The following PDSS2 variants were observed in gnomAD, a reference collection of about 807,000 sequenced individuals.
The protein encoded by PDSS2 is decaprenyl diphosphate synthase subunit 2, also known as all trans-polyprenyl-diphosphate synthase PDSS2.
Under a neutral mutation model 44.5 loss-of-function variants are expected in PDSS2, and 31 were observed. That is an observed-to-expected ratio of 0.70 (90% CI 0.52 to 0.94). The LOEUF (loss-of-function observed/expected upper bound fraction) is 0.94. Among genes scored for constraint, PDSS2 ranks in the 40% least tolerant of loss-of-function variants. PDSS2 has a pLI of 0.00. For synonymous variants in PDSS2, 157 were observed against 180.3 expected (o/e 0.87, Z 1.03); for missense variants, 452 against 482.2 (o/e 0.94, Z 0.59).
chr6:107,213,348 C>T (rs1475856102), intron 4 of PDSS2, among the ~76,000 whole-genome samples: 3 of 151,536 alleles, frequency 2.0e-5, no homozygotes, highest in Non-Finnish European at 4.4e-5. Flanking sequence ...TGGGGTTTCA[C>T]CATGTTGGTC....
intron 1 of PDSS2, among the ~76,000 whole-genome samples, chr6:107,369,264 A>G (rs867102448): frequency 1.3e-5 from 2 of 152,094 alleles, no homozygotes; most frequent in Non-Finnish European, 2.9e-5. Context: ...CTAAAAATAC[A>G]AAAATTAGCC....
chr6:107,359,608 A>G (rs1299921047), intron 1 of PDSS2, among the ~76,000 whole-genome samples: 1 of 148,926 alleles, frequency 6.7e-6, no homozygotes, highest in Non-Finnish European at 1.5e-5. Flanking sequence ...TGGGTGACAG[A>G]GCAAAAGAAT....
chr6:107,192,361 C>T, intron 7 of PDSS2: 1 of 512,378 alleles, frequency 2.0e-6, no homozygotes, highest in South Asian at 1.4e-5. Flanking sequence ...CCAAAAGCTG[C>T]AGAGTCTGAG....
intron 2 of PDSS2, among the ~76,000 whole-genome samples, chr6:107,324,166 A>T (rs934365922): frequency 1.3e-5 from 2 of 152,190 alleles, no homozygotes; most frequent in Non-Finnish European, 2.9e-5. Context: ...TGAAGAAAAT[A>T]AGTACTGGTT....
chr6:107,218,208 CATTTT>C (rs1773480513), intron 4 of PDSS2, among the ~76,000 whole-genome samples: 1 of 152,190 alleles, frequency 6.6e-6, no homozygotes, highest in African/African-American at 2.4e-5. Flanking sequence ...GCTCTCTATA[CATTTT>C]ATTTGACTTT....
chr6:107,328,997 C>T (rs1445015059), intron 2 of PDSS2, among the ~76,000 whole-genome samples: 7 of 152,152 alleles, frequency 4.6e-5, no homozygotes, highest in Admixed American at 2.6e-4. Flanking sequence ...CAGCTCCAAC[C>T]CCTCTCCATG....
chr6:107,282,556 C>T (rs1775997117), intron 2 of PDSS2, among the ~76,000 whole-genome samples: 1 of 151,826 alleles, frequency 6.6e-6, no homozygotes, highest in African/African-American at 2.4e-5. Context: ...CCATACCTGG[C>T]TGCTTTTTTT....
At chr6:107,420,368 T>G (rs1780786111) in intron 1 of PDSS2, among the ~76,000 whole-genome samples, 1 of 152,194 alleles carries the variant, frequency 6.6e-6, no homozygotes, top group Non-Finnish European at 1.5e-5. Flanking sequence ...ACAGACAAGC[T>G]TATTCTAAAA....
rs1028832511 is a variant in PDSS2, at chr6:107,328,845, C to A, written c.431+5353G>T. On this transcript the variant is annotated intron_variant, in intron 2 of 7. Coordinates refer to ENST00000369037, the MANE Select transcript of PDSS2 (RefSeq NM_020381.4). ...GCCCACACTTATTTGATCCCAGAAC[C>A]TTTTGTCCCACTGAACACCTAGTTA... Among the ~76,000 whole-genome samples the A allele has an allele frequency of 5.9e-5, 9 of 152,302 alleles. No homozygotes were observed. In the South Asian group the frequency reaches 1.7e-3, roughly 28 times the overall value.
chr6:107,191,546 A>G (rs1329693045), intron 7 of PDSS2, among the ~76,000 whole-genome samples: 1 of 152,204 alleles, frequency 6.6e-6, no homozygotes, highest in African/African-American at 2.4e-5. Context: ...GTCCAGCACC[A>G]GGGACTGCAA....
At chr6:107,262,977 A>G (rs1392548551) in intron 3 of PDSS2, among the ~76,000 whole-genome samples, 1 of 152,062 alleles carries the variant, frequency 6.6e-6, no homozygotes, top group African/African-American at 2.4e-5. Flanking sequence ...AAAAAAGGTA[A>G]TATTAGAAAT....
intron 7 of PDSS2, among the ~76,000 whole-genome samples, chr6:107,178,340 C>T (rs561955325): frequency 6.6e-6 from 1 of 152,284 alleles, no homozygotes; most frequent in African/African-American, 2.4e-5. Flanking sequence ...TAAGTGTAAT[C>T]ATATCTGCAA....
chr6:107,201,764 C>G (rs1350133465), intron 6 of PDSS2, among the ~76,000 whole-genome samples: 1 of 152,118 alleles, frequency 6.6e-6, no homozygotes, highest in Admixed American at 6.6e-5. Flanking sequence ...ATGTTACAGG[C>G]TATATTTTAG....
At chr6:107,233,768 G>A (rs535426927) in intron 4 of PDSS2, among the ~76,000 whole-genome samples, 1 of 152,194 alleles carries the variant, frequency 6.6e-6, no homozygotes, top group Non-Finnish European at 1.5e-5. Flanking sequence ...AGCTATGATT[G>A]CATCACTGCA....
At chr6:107,189,633 G>A (rs920038669) in intron 7 of PDSS2, among the ~76,000 whole-genome samples, 2 of 152,108 alleles carry the variant, frequency 1.3e-5, no homozygotes, top group South Asian at 4.1e-4. Flanking sequence ...CACTGTGCCC[G>A]GCCCCAGCCA....
intron 4 of PDSS2, among the ~76,000 whole-genome samples, chr6:107,238,128 T>G (rs1235156387): frequency 6.6e-6 from 1 of 152,100 alleles, no homozygotes; most frequent in Non-Finnish European, 1.5e-5. Context: ...CTCACTTTCC[T>G]GAGACTGAGG....
chr6:107,193,889 T>C (rs746469475), intron 6 of PDSS2, 35 bp from the exon 7 acceptor site: 1 of 1,412,090 alleles, frequency 7.1e-7, no homozygotes, highest in South Asian at 1.1e-5. Flanking sequence ...ATTTGTTACT[T>C]CTCTAAAAGT....
chr6:107,410,868 G>C lies in PDSS2; in HGVS notation c.296+48122C>G, dbSNP rs148618172. ...CCAATTGCACAGCATTCCACGGTTT[G>C]ATGTATCTACCATGGGTTATTTTGT... is the stretch of plus-strand genomic sequence containing the variant. On this transcript the variant is annotated intron_variant, in intron 1 of 7. Transcript: ENST00000369037. Among the ~76,000 whole-genome samples, 379 of 151,580 alleles carry C rather than the reference G, an allele frequency of 2.5e-3. 1 individual carries two copies. Among genetic ancestry groups the C allele is most frequent in the African/African-American group, 8.7e-3 (360 of 41,314 alleles).
intron 1 of PDSS2, among the ~76,000 whole-genome samples, chr6:107,363,535 G>A (rs1248264378): frequency 2.6e-5 from 4 of 152,192 alleles, no homozygotes; most frequent in Non-Finnish European, 4.4e-5. Flanking sequence ...GGCTTCAGGA[G>A]TGAAGCTGCA....
Sources: allele counts gnomAD v4.1 joint callset (sites outside exome capture counted in the v4.1 genomes callset), GRCh38; gene constraint gnomAD v4.1.1; transcripts MANE v1.5; gene names NCBI Gene and HGNC (gene_info 2026-07-23, HGNC 2026-07-21).